The following SH3KBP1 variants were observed in gnomAD, a reference collection of about 807,000 sequenced individuals.
SH3KBP1 encodes the protein SH3 domain containing kinase binding protein 1.
A neutral mutation model predicts 50.1 loss-of-function variants in SH3KBP1; 8 were observed. The ratio of observed to expected loss-of-function variants is 0.16; its 90% CI spans 0.09 to 0.29. The LOEUF is 0.29. Among genes scored for constraint, SH3KBP1 ranks in the 10% least tolerant of loss-of-function variants. The pLI, the probability that SH3KBP1 is intolerant of heterozygous loss-of-function variation, is 1.00. For missense variants in SH3KBP1, 377 were observed against 535.2 expected, an observed-to-expected ratio of 0.70 and a Z score of 2.92; for synonymous variants, 227 against 218.6, an observed-to-expected ratio of 1.04 and a Z score of -0.34.
At chrX:19,708,136 T>G (rs1445056072) in intron 3 of SH3KBP1, among the ~76,000 whole-genome samples, 1 of 112,842 alleles carries the variant, frequency 8.9e-6, no homozygotes, top group Non-Finnish European at 1.9e-5. Context: ...ACAGGGCACA[T>G]TAAGGCCCCA....
chrX:19,712,888 C>T (rs185987470), intron 3 of SH3KBP1, among the ~76,000 whole-genome samples: 2 of 111,450 alleles, frequency 1.8e-5, no homozygotes, highest in Non-Finnish European at 3.8e-5. Flanking sequence ...AATCCAACCA[C>T]GAGGAAACAA....
chrX:19,536,712 A>G (rs2064718886), intron 17 of SH3KBP1, among the ~76,000 whole-genome samples: 1 of 112,083 alleles, frequency 8.9e-6, no homozygotes, highest in Admixed American at 9.4e-5. Flanking sequence ...AGTTTGTCAA[A>G]AGCAGCAATA....
chrX:19,821,387 T>C (rs1157405025), intron 2 of SH3KBP1, among the ~76,000 whole-genome samples: 1 of 111,332 alleles, frequency 9.0e-6, no homozygotes, highest in Non-Finnish European at 1.9e-5. Flanking sequence ...CAAGATTCCG[T>C]CTCAACAACA....
intron 9 of SH3KBP1, among the ~76,000 whole-genome samples, chrX:19,600,051 C>T (rs1011193038): frequency 6.6e-5 from 6 of 90,283 alleles, no homozygotes; most frequent in Non-Finnish European, 1.2e-4. Flanking sequence ...AGGAGAATGG[C>T]GTGAACCCGG....
intron 1 of SH3KBP1, among the ~76,000 whole-genome samples, chrX:19,844,536 C>T (rs757950139): frequency 9.0e-6 from 1 of 111,609 alleles, no homozygotes; most frequent in African/African-American, 3.3e-5. Flanking sequence ...TGATTTCACT[C>T]TTACCTTCAC....
intron 16 of SH3KBP1, among the ~76,000 whole-genome samples, chrX:19,540,004 C>T (rs933171788): frequency 2.7e-5 from 3 of 111,335 alleles, no homozygotes; most frequent in African/African-American, 9.8e-5. Context: ...AGGGTCCAAA[C>T]AGCTAAAGCC....
intron 13 of SH3KBP1, among the ~76,000 whole-genome samples, chrX:19,566,898 C>G (rs2065858366): frequency 9.0e-6 from 1 of 111,243 alleles, no homozygotes. Context: ...TGCAAAGATG[C>G]AACTCTATCA....
At chrX:19,858,598 G>A (rs1285393874) in intron 1 of SH3KBP1, among the ~76,000 whole-genome samples, 1 of 112,083 alleles carries the variant, frequency 8.9e-6, no homozygotes, top group African/African-American at 3.2e-5. Flanking sequence ...ACTATACTCC[G>A]GCCTGGGCAA....
At chrX:19,808,442 GA>G (rs2067116078) in intron 2 of SH3KBP1, among the ~76,000 whole-genome samples, 1 of 110,828 alleles carries the variant, frequency 9.0e-6, no homozygotes, top group East Asian at 2.8e-4. Context: ...TTCCTCTGCA[GA>G]ATAAGCCTTT....
chrX:19,567,691 T>C (rs950180487), intron 13 of SH3KBP1, among the ~76,000 whole-genome samples: 15 of 105,363 alleles, frequency 1.4e-4, no homozygotes, highest in African/African-American at 4.5e-4. Context: ...TTCTGTAAGA[T>C]GTTACTATTG....
intron 2 of SH3KBP1, among the ~76,000 whole-genome samples, chrX:19,763,950 A>C (rs1241471217): frequency 5.2e-5 from 5 of 96,722 alleles, no homozygotes; most frequent in African/African-American, 1.6e-4. Context: ...CAGGAGGTGG[A>C]GGTTGCAGTG....
intron 12 of SH3KBP1, among the ~76,000 whole-genome samples, chrX:19,576,405 C>T (rs1253315941): frequency 9.0e-6 from 1 of 110,865 alleles, no homozygotes; most frequent in Non-Finnish European, 1.9e-5. Context: ...TTACTGAATG[C>T]CTACCATGTG....
chrX:19,772,445 A>G (rs1253438102), intron 2 of SH3KBP1, among the ~76,000 whole-genome samples: 1 of 111,416 alleles, frequency 9.0e-6, no homozygotes, highest in Non-Finnish European at 1.9e-5. Context: ...TCAGAAAAAA[A>G]TAAGGCCCAA....
At chrX:19,699,384 C>T (rs372715965) in intron 4 of SH3KBP1, among the ~76,000 whole-genome samples, 5 of 112,668 alleles carry the variant, frequency 4.4e-5, no homozygotes, top group East Asian at 2.8e-4. Flanking sequence ...GGGCAGATGC[C>T]GTTCCCCACT....
At chrX:19,556,091 T>C (rs1362169326) in intron 13 of SH3KBP1, among the ~76,000 whole-genome samples, 2 of 112,267 alleles carry the variant, frequency 1.8e-5, no homozygotes, top group African/African-American at 6.5e-5. Flanking sequence ...TTTCTAGGCT[T>C]CAGATTTTCC....
At chrX:19,813,433 G>T (rs1194963526) in intron 2 of SH3KBP1, among the ~76,000 whole-genome samples, 1 of 110,013 alleles carries the variant, frequency 9.1e-6, no homozygotes, top group African/African-American at 3.3e-5. Flanking sequence ...GTGAAATGAC[G>T]ATCACAATCA....
intron 3 of SH3KBP1, among the ~76,000 whole-genome samples, chrX:19,716,784 G>A (rs2063922331): frequency 9.0e-6 from 1 of 111,375 alleles, no homozygotes; most frequent in Non-Finnish European, 1.9e-5. Context: ...ATGAGCACAG[G>A]AAGCCTCAAT....
intron 6 of SH3KBP1, among the ~76,000 whole-genome samples, chrX:19,670,144 A>G (rs1453699701): frequency 9.0e-6 from 1 of 111,584 alleles, no homozygotes; most frequent in Non-Finnish European, 1.9e-5. Context: ...GAGAAAAACA[A>G]GACCACTTAT....
At chrX:19,622,502 A>C (rs2067869288) in intron 8 of SH3KBP1, among the ~76,000 whole-genome samples, 1 of 112,280 alleles carries the variant, frequency 8.9e-6, no homozygotes, top group Non-Finnish European at 1.9e-5. Context: ...AGCTATTAGG[A>C]CCCAGGCTTT....
Sources: gnomAD v4.1 joint callset for allele counts (sites outside exome capture counted in the v4.1 genomes callset) on GRCh38, gnomAD v4.1.1 for gene constraint, MANE v1.5 for transcripts, NCBI Gene and HGNC (gene_info 2026-07-23, HGNC 2026-07-21) for gene names.